The following AKAP7 variants were observed in gnomAD, a reference collection of about 807,000 sequenced individuals.
The protein encoded by AKAP7 is A kinase (PRKA) anchor protein 7.
A neutral mutation model predicts 39.5 loss-of-function variants in AKAP7; 39 were observed. The observed-to-expected ratio is 0.99, with a 90% CI of 0.76 to 1.29. The LOEUF is 1.29. Among genes scored for constraint, AKAP7 ranks in the 50% most tolerant of loss-of-function variants. AKAP7 has a pLI of 0.00. For missense variants in AKAP7, 414 were observed against 407.7 expected, an observed-to-expected ratio of 1.02 and a Z score of -0.13; for synonymous variants, 140 against 139.1, an observed-to-expected ratio of 1.01 and a Z score of -0.05.
rs773995395 is a variant in AKAP7, at chr6:131,169,325, T to C, written c.589+52T>C. 4 of 1,587,544 alleles carry C rather than the reference T, an allele frequency of 2.5e-6. No individual in the cohort carries two copies. In the African/African-American group the frequency reaches 4.1e-5, roughly 16 times the overall value. The stretch of plus-strand genomic sequence containing the variant: ...ATCTTGTCTGTTGGAGAAGCAATTT[T>C]TTTCAATTTTGTAACAGAGACTTGA... On this transcript the variant is annotated intron_variant, in intron 5 of 7. Coordinates refer to ENST00000431975, the MANE Select transcript of AKAP7 (RefSeq NM_016377.4).
intron 7 of AKAP7, among the ~76,000 whole-genome samples, chr6:131,229,343 G>A (rs1021972328): frequency 4.6e-5 from 7 of 151,956 alleles, no homozygotes; most frequent in Non-Finnish European, 8.8e-5. Flanking sequence ...TTCCCAGTTC[G>A]TTTTGTTTTG....
At chr6:131,187,242 G>C (rs963051399) in intron 5 of AKAP7, among the ~76,000 whole-genome samples, 1 of 151,936 alleles carries the variant, frequency 6.6e-6, no homozygotes, top group Non-Finnish European at 1.5e-5. Context: ...GTTGTCCTTC[G>C]GTTCATTAAA....
chr6:131,174,592 C>T (rs1804396778), intron 5 of AKAP7, among the ~76,000 whole-genome samples: 1 of 151,990 alleles, frequency 6.6e-6, no homozygotes, highest in South Asian at 2.1e-4. Flanking sequence ...GACCCCATCT[C>T]AAAAAAAGAA....
chr6:131,166,373 G>T (rs553030), intron 4 of AKAP7, among the ~76,000 whole-genome samples: 30,661 of 152,054 alleles, frequency 0.2, 3,245 homozygotes, highest in Middle Eastern at 0.32. Context: ...CTCTGTGTGT[G>T]TTAGAATGGT....
chr6:131,150,112 C>T (rs1801799629), intron 2 of AKAP7, among the ~76,000 whole-genome samples: 1 of 152,136 alleles, frequency 6.6e-6, no homozygotes, highest in East Asian at 1.9e-4. Context: ...CACCACTATG[C>T]CTGGTCTTAA....
intron 6 of AKAP7, among the ~76,000 whole-genome samples, chr6:131,216,403 A>G (rs1402869424): frequency 6.6e-6 from 1 of 152,192 alleles, no homozygotes; most frequent in Non-Finnish European, 1.5e-5. Context: ...AATTTCCATT[A>G]CTTATCAGAT....
chr6:131,164,915 G>A (rs1271679079), intron 3 of AKAP7, among the ~76,000 whole-genome samples, 166 bp from the exon 4 acceptor site: 1 of 152,184 alleles, frequency 6.6e-6, no homozygotes, highest in African/African-American at 2.4e-5. Context: ...TCAACTATCT[G>A]TTTGAGAACA....
intron 7 of AKAP7, among the ~76,000 whole-genome samples, chr6:131,279,156 G>T (rs1013235261): frequency 6.6e-6 from 1 of 152,166 alleles, no homozygotes; most frequent in Non-Finnish European, 1.5e-5. Context: ...TAATTAAGGG[G>T]GTTAATGAGG....
chr6:131,201,675 T>G (rs996958622), intron 6 of AKAP7, among the ~76,000 whole-genome samples: 4 of 152,192 alleles, frequency 2.6e-5, no homozygotes, highest in African/African-American at 9.6e-5. Flanking sequence ...CCCATGCCTA[T>G]GTCCTGAATG....
intron 4 of AKAP7, among the ~76,000 whole-genome samples, chr6:131,168,440 CAGAA>C (rs1326750929): frequency 2.7e-5 from 4 of 149,282 alleles, no homozygotes; most frequent in South Asian, 4.3e-4. Context: ...CAGAAGGAGA[CAGAA>C]AGAGAGAGAG....
rs75686180 is a variant in AKAP7, at chr6:131,268,197, G to A, written c.851-13333G>A. ...ATTTCTCACATAATATTTCTCTCTC[G>A]TATACCTTCACTTTCCCAGGATGAG... On this transcript the variant is annotated intron_variant, in intron 7 of 7. Transcript: ENST00000431975. Among the ~76,000 whole-genome samples the A allele has an allele frequency of 2.5e-4, 38 of 152,124 alleles. No homozygotes were observed. In the East Asian group the frequency reaches 6.8e-3, roughly 27 times the overall value.
At chr6:131,159,056 G>A (rs1275758225) in intron 2 of AKAP7, among the ~76,000 whole-genome samples, 1 of 151,918 alleles carries the variant, frequency 6.6e-6, no homozygotes, top group African/African-American at 2.4e-5. Flanking sequence ...ACGCTTCTCA[G>A]ATGACCTTTT....
At chr6:131,223,834 A>G (rs1476022850) in intron 7 of AKAP7, among the ~76,000 whole-genome samples, 1 of 152,214 alleles carries the variant, frequency 6.6e-6, no homozygotes. Context: ...TAGATTACCT[A>G]AATTGACACT....
intron 7 of AKAP7, among the ~76,000 whole-genome samples, chr6:131,264,392 T>G (rs1319352567): frequency 6.6e-6 from 1 of 152,222 alleles, no homozygotes; most frequent in Non-Finnish European, 1.5e-5. Flanking sequence ...GGAGTAGCTC[T>G]TCTCTTTACC....
rs78715121 is a variant in AKAP7 at position 131,194,364 on chromosome 6, T to C, written c.590-5097T>C. ...CCCCAAATTCCTCTTATTATTGACT[T>C]GTAGTTTTCTTCCACTGTGGGCAGA... is the stretch of plus-strand genomic sequence containing the variant. On this transcript the variant is annotated intron_variant, in intron 5 of 7. Coordinates refer to ENST00000431975, the MANE Select transcript of AKAP7 (RefSeq NM_016377.4). Among the ~76,000 whole-genome samples the C allele has an allele frequency of 7.4e-3, 1,125 of 152,246 alleles. 15 individuals carry two copies. The highest frequency in any genetic ancestry group is 0.025 in the African/African-American group (1,052 of 41,580).
intron 3 of AKAP7, among the ~76,000 whole-genome samples, chr6:131,161,917 C>T (rs1803004480): frequency 1.3e-5 from 2 of 152,088 alleles, no homozygotes; most frequent in South Asian, 4.1e-4. Flanking sequence ...AAGTGACTTC[C>T]CTATGGACAC....
chr6:131,220,259 C>T (rs1809582497), intron 7 of AKAP7, among the ~76,000 whole-genome samples: 2 of 152,152 alleles, frequency 1.3e-5, no homozygotes, highest in Admixed American at 6.5e-5. Flanking sequence ...GAAAACTTCA[C>T]TTTCTTCCCT....
Position 131,185,253 on chromosome 6 carries a change from C to T in AKAP7, c.590-14208C>T, listed in dbSNP as rs868352802. ...ACAGGGGTGGGCTCACCGCTTTTTC[C>T]GCCAGTGCTGGGCAGGGTACGAGTA... On this transcript the variant is annotated intron_variant, in intron 5 of 7. Transcript: ENST00000431975. 9.6e-5 allele frequency: 45 copies of T among 466,460 alleles called. 2 individuals carry two copies. The Middle Eastern group carries it at 1.4e-3, about 15-fold the overall frequency. The allele number at this position is 466,460 out of a possible 1,614,324, so 28.9% of individuals were successfully genotyped here. A position where few individuals can be genotyped will look rare whatever the true frequency, so the allele number is the denominator to read the frequency against.
chr6:131,175,165 G>C (rs1226445478), intron 5 of AKAP7, among the ~76,000 whole-genome samples: 1 of 152,132 alleles, frequency 6.6e-6, no homozygotes, highest in Non-Finnish European at 1.5e-5. Context: ...TGATCATAAA[G>C]GTTTTCAACC....
Sources: gnomAD v4.1 joint callset for allele counts (sites outside exome capture counted in the v4.1 genomes callset) on GRCh38, gnomAD v4.1.1 for gene constraint, MANE v1.5 for transcripts, NCBI Gene and HGNC (gene_info 2026-07-23, HGNC 2026-07-21) for gene names.